Variants in SNTG2 observed in about 807,000 individuals in gnomAD.
SNTG2 encodes gamma-2-syntrophin.
SNTG2 carries 74 observed loss-of-function variants against 70.9 expected under a neutral mutation model. The ratio of observed to expected loss-of-function variants is 1.04; its 90% CI spans 0.86 to 1.27. The LOEUF (loss-of-function observed/expected upper bound fraction) is 1.27. SNTG2 is among the 50% of genes most tolerant of loss of function. The pLI is 0.00. For missense variants in SNTG2, 717 were observed against 690.7 expected, an observed-to-expected ratio of 1.04 and a Z score of -0.43; for synonymous variants, 278 against 273.8, an observed-to-expected ratio of 1.02 and a Z score of -0.15.
chr2:1,302,450 T>C (rs1413178461), intron 14 of SNTG2, among the ~76,000 whole-genome samples: 1 of 150,462 alleles, frequency 6.6e-6, no homozygotes, highest in African/African-American at 2.5e-5. Flanking sequence ...GTATATAGAA[T>C]GTGTATACAA....
At chr2:1,098,854 C>T (rs576931438) in intron 4 of SNTG2, among the ~76,000 whole-genome samples, 15 of 152,284 alleles carry the variant, frequency 9.9e-5, no homozygotes, top group Middle Eastern at 6.8e-3. Context: ...GCTGAAACGC[C>T]GTCCGTTCTG....
intron 9 of SNTG2, among the ~76,000 whole-genome samples, chr2:1,229,092 A>T (rs1051827041): frequency 5.3e-5 from 8 of 152,168 alleles, no homozygotes; most frequent in African/African-American, 1.4e-4. Context: ...CAGTAGCAGG[A>T]TTTATTGCAA....
At chr2:1,175,011 G>T (rs771842214) in intron 8 of SNTG2, among the ~76,000 whole-genome samples, 2 of 152,138 alleles carry the variant, frequency 1.3e-5, no homozygotes, top group Non-Finnish European at 2.9e-5. Flanking sequence ...CTGTGGTTTT[G>T]TGGTTTTAGG....
intron 1 of SNTG2, among the ~76,000 whole-genome samples, chr2:1,083,290 C>T (rs1340953969): frequency 2.7e-5 from 4 of 149,262 alleles, no homozygotes; most frequent in Non-Finnish European, 4.4e-5. Flanking sequence ...CTTTTAAAAA[C>T]ATGCCTTATA....
At chr2:1,134,955 C>T (rs531266034) in intron 4 of SNTG2, among the ~76,000 whole-genome samples, 5 of 152,274 alleles carry the variant, frequency 3.3e-5, no homozygotes, top group African/African-American at 1.2e-4. Flanking sequence ...CCTCCGCAGC[C>T]GCTGGCCAGG....
intron 1 of SNTG2, among the ~76,000 whole-genome samples, chr2:998,068 C>T (rs1349087096): frequency 1.3e-5 from 2 of 152,162 alleles, no homozygotes; most frequent in East Asian, 3.9e-4. Flanking sequence ...AAGGAGTTCA[C>T]GCAGAATCTT....
At chr2:990,748 C>A (rs1249680556) in intron 1 of SNTG2, among the ~76,000 whole-genome samples, 1 of 151,878 alleles carries the variant, frequency 6.6e-6, no homozygotes, top group East Asian at 1.9e-4. Context: ...GGAGAGAAAG[C>A]ACATTATTAA....
intron 2 of SNTG2, among the ~76,000 whole-genome samples, chr2:1,084,264 C>G (rs1339902050): frequency 2.0e-5 from 3 of 152,144 alleles, no homozygotes; most frequent in African/African-American, 7.2e-5. Flanking sequence ...GCATTTCCCC[C>G]CTTACTCGCA....
intron 9 of SNTG2, among the ~76,000 whole-genome samples, chr2:1,232,465 G>A (rs536544368): frequency 6.6e-6 from 1 of 152,058 alleles, no homozygotes; most frequent in South Asian, 2.1e-4. Flanking sequence ...GCCTGGCTAT[G>A]TTTTGTATTT....
intron 4 of SNTG2, among the ~76,000 whole-genome samples, chr2:1,119,092 T>G (rs563766128): frequency 2.6e-5 from 4 of 152,244 alleles, no homozygotes; most frequent in African/African-American, 9.6e-5. Flanking sequence ...AGCAGAAAAC[T>G]TGAAAGCCAG....
At chr2:1,358,376 C>CT (rs1310122964) in intron 16 of SNTG2, among the ~76,000 whole-genome samples, 4 of 75,422 alleles carry the variant, frequency 5.3e-5, no homozygotes, top group East Asian at 2.2e-3. Flanking sequence ...CTGCTCCAAT[C>CT]TTTATTTTTT....
chr2:1,182,125 C>T (rs111475649), intron 8 of SNTG2, among the ~76,000 whole-genome samples: 20 of 152,218 alleles, frequency 1.3e-4, no homozygotes, highest in African/African-American at 2.2e-4. Context: ...TGCTTTTCCT[C>T]GCCTTGGGAG....
At chr2:1,254,836 G>C (rs1183979802) in intron 12 of SNTG2, among the ~76,000 whole-genome samples, 1 of 152,200 alleles carries the variant, frequency 6.6e-6, no homozygotes, top group East Asian at 1.9e-4. Context: ...TTCCATGAGA[G>C]TCTGGAGAAA....
intron 1 of SNTG2, among the ~76,000 whole-genome samples, chr2:1,005,370 C>A (rs1026000015): frequency 6.6e-6 from 1 of 151,792 alleles, no homozygotes; most frequent in Non-Finnish European, 1.5e-5. Flanking sequence ...ATAACAAATG[C>A]GCCACCTGGG....
At chr2:1,322,631 C>T (rs1347559788) in intron 16 of SNTG2, among the ~76,000 whole-genome samples, 1 of 152,142 alleles carries the variant, frequency 6.6e-6, no homozygotes, top group East Asian at 1.9e-4. Flanking sequence ...CTATCTCTCT[C>T]ACTCTGTCTC....
At chr2:1,287,324 G>A (rs7421044) in intron 14 of SNTG2, among the ~76,000 whole-genome samples, 77,417 of 152,102 alleles carry the variant, frequency 0.51, 19,836 homozygotes, top group Middle Eastern at 0.64. Context: ...CAGGGCCTCT[G>A]TGGATGCAGC....
chr2:1,025,941 C>G (rs776378603), intron 1 of SNTG2, among the ~76,000 whole-genome samples: 1 of 152,192 alleles, frequency 6.6e-6, no homozygotes, highest in African/African-American at 2.4e-5. Flanking sequence ...AATTTGGGCT[C>G]TGCAGGAATA....
At chr2:1,336,385 G>T (rs1182047281) in intron 16 of SNTG2, among the ~76,000 whole-genome samples, 1 of 152,102 alleles carries the variant, frequency 6.6e-6, no homozygotes, top group Non-Finnish European at 1.5e-5. Context: ...TGCATGGCTT[G>T]TAAATATTTC....
chr2:963,462 T>G (rs971201163), intron 1 of SNTG2, among the ~76,000 whole-genome samples: 10 of 152,194 alleles, frequency 6.6e-5, no homozygotes, highest in African/African-American at 2.4e-4. Context: ...GTTTCCACGC[T>G]TTACACACTT....
Sources: allele counts gnomAD v4.1 joint callset (sites outside exome capture counted in the v4.1 genomes callset), GRCh38; gene constraint gnomAD v4.1.1; transcripts MANE v1.5; gene names NCBI Gene and HGNC (gene_info 2026-07-23, HGNC 2026-07-21).